RALYL: variants seen among roughly 807,000 people sequenced by gnomAD.
RALYL encodes RALY RNA binding protein like.
In RALYL, 29 loss-of-function variants were observed where a neutral mutation model predicts 35.1. The observed-to-expected ratio is 0.83, with a 90% CI of 0.61 to 1.13. The LOEUF (loss-of-function observed/expected upper bound fraction) is 1.13, where lower values mean the gene tolerates loss of function less well. Among genes scored for constraint, RALYL ranks in the 50% most tolerant of loss-of-function variants. RALYL has a pLI of 0.00. For missense variants in RALYL, 359 were observed against 360.4 expected (o/e 1.00, Z 0.03); for synonymous variants, 120 against 127.6 (o/e 0.94, Z 0.40).
intron 2 of RALYL, among the ~76,000 whole-genome samples, chr8:84,634,402 A>G (rs1564281655): frequency 6.6e-6 from 1 of 151,884 alleles, no homozygotes; most frequent in Non-Finnish European, 1.5e-5. Flanking sequence ...AAACACTTCT[A>G]AAATAAACCT....
intron 1 of RALYL, among the ~76,000 whole-genome samples, chr8:84,277,078 T>C (rs1368717476): frequency 1.3e-5 from 2 of 152,232 alleles, no homozygotes; most frequent in Non-Finnish European, 2.9e-5. Flanking sequence ...GCCTTATACC[T>C]TTAATATTAA....
intron 2 of RALYL, 132 bp from the exon 3 acceptor site, chr8:84,774,447 A>G: frequency 1.6e-6 from 1 of 644,706 alleles, no homozygotes; most frequent in Non-Finnish European, 2.7e-6. Flanking sequence ...CAATAAACAT[A>G]TGTTGAATGA....
At chr8:84,912,615 T>G (rs1239303308) in intron 8 of RALYL, among the ~76,000 whole-genome samples, 1 of 152,058 alleles carries the variant, frequency 6.6e-6, no homozygotes, top group Non-Finnish European at 1.5e-5. Flanking sequence ...GCCATTGGCT[T>G]CCTAACGCTC....
intron 1 of RALYL, among the ~76,000 whole-genome samples, chr8:84,236,869 G>A (rs957624076): frequency 6.6e-6 from 1 of 152,154 alleles, no homozygotes; most frequent in Non-Finnish European, 1.5e-5. Context: ...GAGATGATGT[G>A]TACTTCAATA....
intron 2 of RALYL, among the ~76,000 whole-genome samples, chr8:84,734,411 G>A (rs1021854990): frequency 1.3e-5 from 2 of 151,956 alleles, no homozygotes. Context: ...AAATTTTTAA[G>A]GTACAACTTT....
chr8:84,697,139 C>A (rs1443777269), intron 2 of RALYL, among the ~76,000 whole-genome samples: 9 of 151,744 alleles, frequency 5.9e-5, no homozygotes, highest in African/African-American at 1.9e-4. Context: ...AATATTTATG[C>A]AAATTTTAAA....
At chr8:84,274,075 G>A (rs1834871071) in intron 1 of RALYL, among the ~76,000 whole-genome samples, 1 of 151,836 alleles carries the variant, frequency 6.6e-6, no homozygotes, top group Non-Finnish European at 1.5e-5. Context: ...CTTTTGTGAT[G>A]CCCCCAAACT....
At chr8:84,656,266 T>C (rs576421091) in intron 2 of RALYL, among the ~76,000 whole-genome samples, 39 of 152,246 alleles carry the variant, frequency 2.6e-4, no homozygotes, top group African/African-American at 9.1e-4. Flanking sequence ...CCAAGACAAG[T>C]CCCTTTCTCA....
At chr8:84,409,321 A>T (rs1428874451) in intron 1 of RALYL, among the ~76,000 whole-genome samples, 1 of 152,072 alleles carries the variant, frequency 6.6e-6, no homozygotes, top group Admixed American at 6.6e-5. Context: ...ATAAGTGAAA[A>T]TTAACACTAA....
At chr8:84,604,757 T>C (rs993555994) in intron 2 of RALYL, among the ~76,000 whole-genome samples, 4 of 152,154 alleles carry the variant, frequency 2.6e-5, no homozygotes, top group Non-Finnish European at 5.9e-5. Context: ...CGGGATTTGT[T>C]ACCAAGAGAA....
At chr8:84,674,053 G>A (rs1833750757) in intron 2 of RALYL, among the ~76,000 whole-genome samples, 1 of 152,004 alleles carries the variant, frequency 6.6e-6, no homozygotes. Context: ...ATTTCTTTGA[G>A]CAGTGGTTTG....
chr8:84,611,808 T>A (rs894835151), intron 2 of RALYL, among the ~76,000 whole-genome samples: 1 of 152,104 alleles, frequency 6.6e-6, no homozygotes, highest in Admixed American at 6.6e-5. Context: ...TGTAGTAATG[T>A]TGTAATATTT....
intron 2 of RALYL, among the ~76,000 whole-genome samples, chr8:84,590,751 G>A (rs1287277363): frequency 6.6e-6 from 1 of 152,136 alleles, no homozygotes; most frequent in Admixed American, 6.6e-5. Flanking sequence ...AGCAATAACT[G>A]TATAACTATG....
intron 1 of RALYL, among the ~76,000 whole-genome samples, chr8:84,286,544 T>G (rs1458912126): frequency 6.6e-6 from 1 of 152,146 alleles, no homozygotes; most frequent in Non-Finnish European, 1.5e-5. Context: ...GCAAGGAGAA[T>G]CTGGGAGCTC....
chr8:84,668,851 TAAAG>T (rs1459673315), intron 2 of RALYL, among the ~76,000 whole-genome samples: 1 of 151,572 alleles, frequency 6.6e-6, no homozygotes, highest in Non-Finnish European at 1.5e-5. Context: ...TCACAAAACA[TAAAG>T]AAATCAAAAA....
At chr8:84,735,479 T>A (rs555758652) in intron 2 of RALYL, among the ~76,000 whole-genome samples, 5 of 151,976 alleles carry the variant, frequency 3.3e-5, no homozygotes, top group Admixed American at 3.3e-4. Context: ...GTCAGTCACC[T>A]CCACCCCAGC....
At chr8:84,650,034 T>C (rs1423218872) in intron 2 of RALYL, among the ~76,000 whole-genome samples, 1 of 152,124 alleles carries the variant, frequency 6.6e-6, no homozygotes, top group South Asian at 2.1e-4. Flanking sequence ...TTTTATTCTC[T>C]TTGAAGCAAT....
intron 2 of RALYL, among the ~76,000 whole-genome samples, chr8:84,637,050 C>T (rs890248436): frequency 6.6e-6 from 1 of 151,854 alleles, no homozygotes; most frequent in Non-Finnish European, 1.5e-5. Context: ...ACCTTCCTAT[C>T]AGAAAATATA....
intron 8 of RALYL, among the ~76,000 whole-genome samples, chr8:84,900,982 A>C (rs1356424513): frequency 6.6e-6 from 1 of 152,158 alleles, no homozygotes; most frequent in Non-Finnish European, 1.5e-5. Context: ...AAGGTGGGTC[A>C]GTGTAATTAG....
Sources: allele counts gnomAD v4.1 joint callset (sites outside exome capture counted in the v4.1 genomes callset), GRCh38; gene constraint gnomAD v4.1.1; transcripts MANE v1.5; gene names NCBI Gene and HGNC (gene_info 2026-07-23, HGNC 2026-07-21).